Variants in TRABD2B observed in about 807,000 individuals in gnomAD.
TRABD2B encodes the protein metalloprotease TIKI2.
Under a neutral mutation model 40.1 loss-of-function variants are expected in TRABD2B, and 14 were observed. The ratio of observed to expected loss-of-function variants is 0.35; its 90% CI spans 0.23 to 0.55. The LOEUF is 0.55. TRABD2B is among the 20% of genes least tolerant of loss of function. The pLI is 0.90. For missense variants in TRABD2B, 541 were observed against 648.6 expected (o/e 0.83, Z 1.80); for synonymous variants, 263 against 277.0 (o/e 0.95, Z 0.50).
intron 2 of TRABD2B, among the ~76,000 whole-genome samples, chr1:47,916,216 C>T (rs1282704557): frequency 6.6e-6 from 1 of 152,104 alleles, no homozygotes; most frequent in East Asian, 1.9e-4. Context: ...TCTGCTGAGG[C>T]CCAGCCCTTA....
intron 2 of TRABD2B, among the ~76,000 whole-genome samples, chr1:47,965,550 C>T (rs575973132): frequency 1.4e-4 from 22 of 152,196 alleles, no homozygotes; most frequent in Middle Eastern, 3.4e-3. Flanking sequence ...CCTGCTGACC[C>T]GGGCCCCAGC....
intron 2 of TRABD2B, among the ~76,000 whole-genome samples, chr1:47,931,749 CA>C (rs1410616287): frequency 6.6e-6 from 1 of 152,144 alleles, no homozygotes; most frequent in African/African-American, 2.4e-5. Flanking sequence ...CTACAGACAG[CA>C]AAATGGCCCA....
intron 5 of TRABD2B, 39 bp downstream of exon 5, chr1:47,778,415 G>A: frequency 4.2e-6 from 6 of 1,434,506 alleles, no homozygotes; most frequent in Non-Finnish European, 5.7e-6. Context: ...CAGGAAGGCA[G>A]GGTCAGTGAG....
chr1:47,960,971 G>A (rs1207789166), intron 2 of TRABD2B, among the ~76,000 whole-genome samples: 1 of 152,024 alleles, frequency 6.6e-6, no homozygotes, highest in Non-Finnish European at 1.5e-5. Flanking sequence ...ATACTACAAG[G>A]CTACAGTAAC....
chr1:47,993,941 C>T, intron 2 of TRABD2B, 93 bp downstream of exon 2: 2 of 1,304,972 alleles, frequency 1.5e-6, no homozygotes, highest in Non-Finnish European at 2.1e-6. Flanking sequence ...ACTCTGGCTG[C>T]CTCCCCCTCC....
intron 3 of TRABD2B, chr1:47,795,532 AC>A (rs777118786): frequency 7.5e-6 from 3 of 398,440 alleles, no homozygotes; most frequent in Non-Finnish European, 1.0e-5. Context: ...GAGTAGGCTC[AC>A]CCCCTGTTCT....
intron 2 of TRABD2B, among the ~76,000 whole-genome samples, chr1:47,825,726 A>G (rs947981034): frequency 4.7e-5 from 7 of 149,916 alleles, no homozygotes; most frequent in African/African-American, 1.5e-4. Context: ...CAGGAGGTTC[A>G]GGAAATCCTC....
At chr1:47,801,308 C>T (rs1267890814) in intron 3 of TRABD2B, among the ~76,000 whole-genome samples, 165 bp downstream of exon 3, 1 of 152,190 alleles carries the variant, frequency 6.6e-6, no homozygotes, top group Non-Finnish European at 1.5e-5. Context: ...GCTGTGTTGC[C>T]TTGGACAAAT....
intron 2 of TRABD2B, among the ~76,000 whole-genome samples, chr1:47,942,921 G>A (rs974058220): frequency 2.6e-5 from 4 of 152,270 alleles, no homozygotes; most frequent in East Asian, 3.9e-4. Flanking sequence ...TTACTGATTC[G>A]TCATTTCTAA....
rs1646096308 is a variant in TRABD2B, at chr1:47,996,629, T to C, written c.102+59A>G. 1.6e-6 allele frequency: 2 copies of C among 1,216,266 alleles called. No homozygotes were observed. The highest frequency in any genetic ancestry group is 4.3e-5 in the Admixed American group (1 of 23,116). The allele number at this position is 1,216,266 out of a possible 1,614,324, so 75.3% of individuals were successfully genotyped here. A position where few individuals can be genotyped will look rare whatever the true frequency, so the allele number is the denominator to read the frequency against. On this transcript the variant is annotated intron_variant, in intron 1 of 6. Transcript: ENST00000606738. This position sits in a 1 kb window ranked among gnomAD's most constrained non-coding sequence, Gnocchi z 4.6. Reference sequence around the variant, plus strand: ...TGCGGAAGCAGGACCCAAACCATGGTCCCACGGGACTAGAATACCCAGGCA... The same window carrying C: ...TGCGGAAGCAGGACCCAAACCATGGCCCCACGGGACTAGAATACCCAGGCA...
At chr1:47,839,637 G>A (rs1319892148) in intron 2 of TRABD2B, among the ~76,000 whole-genome samples, 1 of 152,182 alleles carries the variant, frequency 6.6e-6, no homozygotes, top group Non-Finnish European at 1.5e-5. Flanking sequence ...AATGAACTGA[G>A]GCTGTTCAAA....
chr1:47,877,832 C>T (rs912555276), intron 2 of TRABD2B, among the ~76,000 whole-genome samples: 1 of 151,730 alleles, frequency 6.6e-6, no homozygotes, highest in Non-Finnish European at 1.5e-5. Context: ...GTCTCTAATA[C>T]AAATAAAAAA....
rs541491661 is a variant in TRABD2B at position 47,923,577 on chromosome 1, G to A, written c.666+70457C>T. 5.0e-3 allele frequency among the ~76,000 whole-genome samples: 766 copies of A among 152,284 alleles called. 5 individuals are homozygous for A. Among genetic ancestry groups the A allele is most frequent in the Non-Finnish European group, 8.5e-3 (579 of 68,024 alleles). On this transcript the variant is annotated intron_variant, in intron 2 of 6. Transcript: ENST00000606738. Reference sequence around the variant, plus strand: ...GTTAATTTTATGTGTCAACTTGGCTGGGCCATGGTATCCAGATATTTGGTC... The same window carrying A: ...GTTAATTTTATGTGTCAACTTGGCTAGGCCATGGTATCCAGATATTTGGTC...
intron 2 of TRABD2B, among the ~76,000 whole-genome samples, chr1:47,926,260 G>C (rs1483387250): frequency 1.3e-5 from 2 of 152,190 alleles, no homozygotes; most frequent in Non-Finnish European, 2.9e-5. Context: ...ATGTCACAGA[G>C]GAAAAGGCAC....
intron 2 of TRABD2B, among the ~76,000 whole-genome samples, chr1:47,960,605 T>C (rs903762869): frequency 1.3e-5 from 2 of 152,116 alleles, no homozygotes; most frequent in Non-Finnish European, 2.9e-5. Context: ...TCAACTCCTA[T>C]TCACAACTGC....
At chr1:47,991,294 G>T (rs1268191432) in intron 2 of TRABD2B, among the ~76,000 whole-genome samples, 1 of 152,128 alleles carries the variant, frequency 6.6e-6, no homozygotes, top group African/African-American at 2.4e-5. Context: ...GCCTCCTGCA[G>T]GGTGCCTGGC....
intron 5 of TRABD2B, 129 bp from the exon 6 acceptor site, chr1:47,775,568 C>G: frequency 1.0e-6 from 1 of 968,306 alleles, no homozygotes; most frequent in Non-Finnish European, 1.3e-6. Context: ...CTGCTGGGCC[C>G]GGTGACAGCA....
intron 2 of TRABD2B, among the ~76,000 whole-genome samples, chr1:47,987,403 A>G (rs1218135046): frequency 6.6e-6 from 1 of 152,108 alleles, no homozygotes; most frequent in African/African-American, 2.4e-5. Context: ...CCATTCCTAG[A>G]TTCTTTGAGC....
chr1:47,949,926 C>T (rs2148380756), intron 2 of TRABD2B, among the ~76,000 whole-genome samples: 1 of 152,160 alleles, frequency 6.6e-6, no homozygotes, highest in Non-Finnish European at 1.5e-5. Context: ...GTGGGAGAGA[C>T]AAAACTATAA....
Sources: gnomAD v4.1 joint callset for allele counts (sites outside exome capture counted in the v4.1 genomes callset) on GRCh38, gnomAD v4.1.1 for gene constraint, Gnocchi (gnomAD v3.1) non-coding constraint, MANE v1.5 for transcripts, NCBI Gene and HGNC (gene_info 2026-07-23, HGNC 2026-07-21) for gene names.